SPAG17: variants seen among roughly 807,000 people sequenced by gnomAD.
The protein encoded by SPAG17 is sperm associated antigen 17.
Under a neutral mutation model 273.6 loss-of-function variants are expected in SPAG17, and 169 were observed. That is an observed-to-expected ratio of 0.62 (90% CI 0.55 to 0.70). The LOEUF is 0.70. Ranked by LOEUF, SPAG17 falls within the 30% of genes least tolerant of loss-of-function variation. The pLI is 0.00. For missense variants in SPAG17, 2,557 were observed against 2,627.8 expected, an observed-to-expected ratio of 0.97 and a Z score of 0.59; for synonymous variants, 825 against 873.2, an observed-to-expected ratio of 0.94 and a Z score of 0.97.
chr1:118,101,340 G>A (rs1558013704), intron 5 of SPAG17, among the ~76,000 whole-genome samples: 1 of 152,204 alleles, frequency 6.6e-6, no homozygotes, highest in Non-Finnish European at 1.5e-5. Context: ...GATGGCTTGA[G>A]CCTGGGATTT....
chr1:118,154,418 AG>A (rs776473456), intron 1 of SPAG17, among the ~76,000 whole-genome samples: 1 of 152,184 alleles, frequency 6.6e-6, no homozygotes, highest in Non-Finnish European at 1.5e-5. Flanking sequence ...GAGCTGCAGC[AG>A]GGGGGCAGTA....
chr1:118,086,288 T>C (rs530923450), intron 12 of SPAG17, among the ~76,000 whole-genome samples: 1 of 152,332 alleles, frequency 6.6e-6, no homozygotes, highest in East Asian at 1.9e-4. Flanking sequence ...AATGACTGAT[T>C]CTTCATTCAC....
chr1:118,085,870 A>G (rs575458161), intron 13 of SPAG17, 52 bp downstream of exon 13: 1 of 1,515,446 alleles, frequency 6.6e-7, no homozygotes, highest in African/African-American at 1.4e-5. Context: ...TAAGAGGCAT[A>G]TATGACCATT....
At chr1:118,159,250 C>T (rs962013208) in intron 1 of SPAG17, among the ~76,000 whole-genome samples, 1 of 152,158 alleles carries the variant, frequency 6.6e-6, no homozygotes, top group Non-Finnish European at 1.5e-5. Context: ...CTTTACTGTG[C>T]ATGTATACAC....
In SPAG17 at chr1:118,073,951, A is replaced by C; in HGVS notation, c.2288T>G (p.Met763Arg). 6.4e-7 allele frequency: 1 copy of C among 1,559,668 alleles called. No individual in the cohort carries two copies. The highest frequency in any genetic ancestry group is 8.6e-7 in the Non-Finnish European group (1 of 1,161,634). Residue 763 changes from methionine to arginine, a missense_variant, in exon 17 of 49, where the codon ATG becomes AGG. Physicochemically the swap from Met to Arg is moderately conservative, Grantham distance 91 (BLOSUM62 -1). Transcript: ENST00000336338. ...TATGTCCTCTAAATCTGCTTCCACC[A>C]TCATCTTCTTGGGTTTCTAAAATAT... ...DSHEKKPKKM[M>R]VEADLEDIKK...
intron 48 of SPAG17, among the ~76,000 whole-genome samples, chr1:117,957,420 G>T (rs777227433): frequency 6.9e-6 from 1 of 144,672 alleles, no homozygotes; most frequent in Non-Finnish European, 1.5e-5. Flanking sequence ...CAAGGATCAT[G>T]ATGACCCACC....
intron 12 of SPAG17, 90 bp downstream of exon 12, chr1:118,086,581 T>C: frequency 1.8e-6 from 2 of 1,086,802 alleles, no homozygotes; most frequent in Non-Finnish European, 2.8e-6. Flanking sequence ...TTAGTGTTGA[T>C]GAAGTTATCT....
chr1:118,016,408 C>T (rs1387532705), intron 28 of SPAG17, among the ~76,000 whole-genome samples: 2 of 152,124 alleles, frequency 1.3e-5, no homozygotes, highest in African/African-American at 4.8e-5. Flanking sequence ...CACTTTCCCC[C>T]AGACATACAC....
chr1:118,165,935 A>G (rs533237255), intron 1 of SPAG17, among the ~76,000 whole-genome samples: 12 of 152,144 alleles, frequency 7.9e-5, no homozygotes, highest in East Asian at 1.9e-4. Flanking sequence ...GAGCCACCGC[A>G]CCCGGCCGAA....
chr1:117,985,759 C>T (rs142958543), intron 40 of SPAG17, among the ~76,000 whole-genome samples: 9 of 152,120 alleles, frequency 5.9e-5, no homozygotes, highest in African/African-American at 1.9e-4. Context: ...TACATTTAAT[C>T]TTACAATAAC....
At chr1:117,971,807 C>T (rs1383868532) in intron 45 of SPAG17, 56 bp downstream of exon 45, 2 of 1,467,582 alleles carry the variant, frequency 1.4e-6, no homozygotes, top group Non-Finnish European at 1.8e-6. Flanking sequence ...TGACCAAAGA[C>T]AAGTCACAGG....
intron 1 of SPAG17, among the ~76,000 whole-genome samples, chr1:118,160,172 A>G (rs1313951171): frequency 1.3e-5 from 2 of 152,180 alleles, no homozygotes; most frequent in African/African-American, 4.8e-5. Flanking sequence ...TTTCATCATC[A>G]TATATTAAAA....
rs1293277058 is a variant in SPAG17 at position 117,967,687 on chromosome 1, C to T, written c.6388-934G>A. 2.6e-5 allele frequency among the ~76,000 whole-genome samples: 4 copies of T among 152,072 alleles called. No individual in the cohort carries two copies. The East Asian group carries it at 5.8e-4, about 22-fold the overall frequency. ...TTTGAAAACCCGTGGAAGAGGATTGCACCAACAAAGAAGAAACCTGATACA... is the reference window on the plus strand; with the variant it reads ...TTTGAAAACCCGTGGAAGAGGATTGTACCAACAAAGAAGAAACCTGATACA... On this transcript the variant is annotated intron_variant, in intron 46 of 48. Coordinates refer to ENST00000336338, the MANE Select transcript of SPAG17 (RefSeq NM_206996.4).
chr1:118,086,545 T>C (rs990762232), intron 12 of SPAG17, 126 bp downstream of exon 12: 17 of 814,904 alleles, frequency 2.1e-5, no homozygotes, highest in Non-Finnish European at 3.1e-5. Flanking sequence ...TGTATGCAAG[T>C]ATCTATTTTG....
At position 117,974,328 on chromosome 1, in the gene SPAG17, A is replaced by G. The variant is rs564035517; in HGVS notation, c.6005-767T>C. Among the ~76,000 whole-genome samples the G allele has an allele frequency of 3.9e-5, 6 of 152,296 alleles. No individual in the cohort carries two copies. In the South Asian group the frequency reaches 1.2e-3, roughly 32 times the overall value. On this transcript the variant is annotated intron_variant, in intron 43 of 48. Coordinates refer to ENST00000336338, the MANE Select transcript of SPAG17 (RefSeq NM_206996.4). ...CATACATGACCTAATACTGGTCCTC[A>G]CAACAACCGTATAAGGTGGGCAGTA...
At chr1:118,069,343 T>C (rs1359624240) in intron 17 of SPAG17, among the ~76,000 whole-genome samples, 1 of 28,190 alleles carries the variant, frequency 3.5e-5, no homozygotes, top group East Asian at 5.9e-4. Flanking sequence ...AGACTCCGTC[T>C]CAAAAAAAAA....
chr1:117,998,998 A>G (rs1305815663), intron 32 of SPAG17, among the ~76,000 whole-genome samples: 3 of 129,978 alleles, frequency 2.3e-5, no homozygotes, highest in Admixed American at 8.5e-5. Context: ...TACCCCCGAC[A>G]GTCCCCCATG....
intron 4 of SPAG17, among the ~76,000 whole-genome samples, chr1:118,112,108 GC>G (rs1365412057): frequency 1.3e-5 from 2 of 151,692 alleles, no homozygotes; most frequent in Non-Finnish European, 2.9e-5. Context: ...TTGTATCGAA[GC>G]TTTTTTTTCA....
chr1:118,081,303 G>C lies in SPAG17; in HGVS notation c.2007C>G (p.Asp669Glu). Residue 669 changes from aspartate (D) to glutamate (E), a missense_variant, in exon 15 of 49, where the codon GAC (aspartate) becomes GAG (glutamate). Transcript: ENST00000336338. ...AATTCTGATCCACAAATAGTGTTCTGTCTTTGATTTTAATATCTATTCAGT... is the reference window on the plus strand; with the variant it reads ...AATTCTGATCCACAAATAGTGTTCTCTCTTTGATTTTAATATCTATTCAGT... ...AKQKADIKIKDRTLFVDQNLS... is the reference protein window; with the variant it reads ...AKQKADIKIKERTLFVDQNLS... 1 of 1,613,908 alleles carries C rather than the reference G, an allele frequency of 6.2e-7. No individual in the cohort carries two copies. The highest frequency in any genetic ancestry group is 8.5e-7 in the Non-Finnish European group (1 of 1,179,936).
Sources: allele counts gnomAD v4.1 joint callset (sites outside exome capture counted in the v4.1 genomes callset), GRCh38; gene constraint gnomAD v4.1.1; transcripts MANE v1.5; gene names NCBI Gene and HGNC (gene_info 2026-07-23, HGNC 2026-07-21).